The following GNB5 variants were observed in gnomAD, a reference collection of about 807,000 sequenced individuals.
GNB5 encodes G protein subunit beta 5.
In GNB5, 37 loss-of-function variants were observed where a neutral mutation model predicts 55.3. The observed-to-expected ratio is 0.67, with a 90% CI of 0.51 to 0.88. GNB5 has a LOEUF of 0.88. GNB5 is among the 40% of genes least tolerant of loss of function. The pLI is 0.00. For synonymous variants in GNB5, 219 were observed against 198.5 expected, an observed-to-expected ratio of 1.10 and a Z score of -0.87; for missense variants, 476 against 515.3, an observed-to-expected ratio of 0.92 and a Z score of 0.74.
intron 3 of GNB5, among the ~76,000 whole-genome samples, chr15:52,179,500 T>A (rs985047780): frequency 6.9e-6 from 1 of 144,952 alleles, no homozygotes; most frequent in African/African-American, 2.9e-5. Flanking sequence ...GTGATGAGGA[T>A]AGCTAGTCCC....
chr15:52,174,348 A>G (rs2034608156), intron 3 of GNB5, among the ~76,000 whole-genome samples: 1 of 152,220 alleles, frequency 6.6e-6, no homozygotes, highest in African/African-American at 2.4e-5. Flanking sequence ...CTGTAACCAT[A>G]TGATTCTAAA....
At chr15:52,179,439 C>A (rs903345261) in intron 3 of GNB5, among the ~76,000 whole-genome samples, 7 of 152,092 alleles carry the variant, frequency 4.6e-5, no homozygotes, top group African/African-American at 1.4e-4. Context: ...CCACCCCCTG[C>A]CCTCCGCATG....
At chr15:52,175,280 G>A (rs916302362) in intron 3 of GNB5, among the ~76,000 whole-genome samples, 6 of 152,256 alleles carry the variant, frequency 3.9e-5, no homozygotes, top group African/African-American at 1.4e-4. Context: ...GGTGTCAGCC[G>A]CATACCCTAA....
chr15:52,143,349 A>G (rs2033900135), intron 6 of GNB5, among the ~76,000 whole-genome samples: 1 of 152,178 alleles, frequency 6.6e-6, no homozygotes. Flanking sequence ...AGAAGCAGGA[A>G]GGTTTTGCAG....
chr15:52,179,869 T>G lies in GNB5; in HGVS notation c.137A>C (p.Glu46Ala). 1 of 1,543,316 alleles carries G rather than the reference T, an allele frequency of 6.5e-7. No homozygotes were observed. The highest frequency in any genetic ancestry group is 8.7e-7 in the Non-Finnish European group (1 of 1,145,952). The change falls in exon 3 of 13, where the codon GAG becomes GCG. Residue 46 changes from glutamate to alanine, a missense_variant. By Grantham distance (107) the Glu-to-Ala change is moderately radical. Coordinates refer to ENST00000261837, the MANE Select transcript of GNB5 (RefSeq NM_016194.4). ...CSTCAEIMAT[E>A]GLHENETLAS... ...CAGCGTCTCGTTCTCGTGCAGCCCC[T>G]CGGTTGCCATCTTCGCGCGGGGACG...
At chr15:52,147,186 AAG>A in intron 6 of GNB5, 1 of 226,422 alleles carries the variant, frequency 4.4e-6, no homozygotes. Flanking sequence ...TTTTTTTTTA[AAG>A]AGATGGGGTC....
At chr15:52,130,784 G>A (rs369129418) in intron 9 of GNB5, among the ~76,000 whole-genome samples, 11 of 152,196 alleles carry the variant, frequency 7.2e-5, no homozygotes, top group African/African-American at 2.7e-4. Flanking sequence ...TAGAAGCAAA[G>A]GGTTCAGGGG....
chr15:52,177,066 G>A (rs1407292421), intron 3 of GNB5, among the ~76,000 whole-genome samples: 1 of 120,070 alleles, frequency 8.3e-6, no homozygotes, highest in Non-Finnish European at 1.6e-5. Context: ...ACGGAGTCTC[G>A]CTCTGTCGCC....
chr15:52,142,738 T>C (rs1001112292), intron 6 of GNB5, among the ~76,000 whole-genome samples: 1 of 152,222 alleles, frequency 6.6e-6, no homozygotes, highest in African/African-American at 2.4e-5. Flanking sequence ...ATGGGGTCAC[T>C]TTTTTCTGAG....
At chr15:52,129,017 G>A (rs373827021) in intron 9 of GNB5, among the ~76,000 whole-genome samples, 4 of 149,760 alleles carry the variant, frequency 2.7e-5, no homozygotes, top group Admixed American at 1.3e-4. Flanking sequence ...GTGCAATGGC[G>A]TGAACTTGGC....
chr15:52,179,707 C>T (rs2034728551), intron 3 of GNB5, 61 bp downstream of exon 3: 1 of 1,138,416 alleles, frequency 8.8e-7, no homozygotes, highest in East Asian at 3.5e-5. Flanking sequence ...CCCCGCCGTC[C>T]CCGCCCGGGA....
chr15:52,157,138 A>C (rs1181942824), intron 3 of GNB5, among the ~76,000 whole-genome samples: 1 of 151,914 alleles, frequency 6.6e-6, no homozygotes, highest in Admixed American at 6.6e-5. Context: ...GGTTTCACCA[A>C]GTTAGACCAG....
At chr15:52,133,788 C>T (rs2033636037) in intron 8 of GNB5, among the ~76,000 whole-genome samples, 1 of 152,220 alleles carries the variant, frequency 6.6e-6, no homozygotes, top group Admixed American at 6.5e-5. Flanking sequence ...TTTCATTTTT[C>T]CTTCTTTTCT....
chr15:52,180,140 T>A, intron 2 of GNB5: 1 of 285,160 alleles, frequency 3.5e-6, no homozygotes, highest in Non-Finnish European at 6.3e-6. Context: ...TGACGCCCAT[T>A]TTACCAGCGG....
rs759511039 is a variant in GNB5, at chr15:52,179,803, A to C, written c.203T>G (p.Leu68Arg). Reference sequence around the variant, plus strand: ...GTGCAGCTTGGCTCGCTCCTCCTCCAGCTTGCCCTTGAGGCTCTCGGCCTC... The same window carrying C: ...GTGCAGCTTGGCTCGCTCCTCCTCCCGCTTGCCCTTGAGGCTCTCGGCCTC... ...KSEAESLKGK[L>R]EEERAKLHDV... is the part of the protein sequence containing the mutation. Residue 68 changes from leucine (L) to arginine (R), a missense_variant, in exon 3 of 13, where the codon CTG (leucine) becomes CGG (arginine). Leu to Arg is a moderately radical substitution (Grantham distance 102). Transcript: ENST00000261837. The C allele has an allele frequency of 6.5e-7, 1 of 1,541,486 alleles. No homozygotes were observed.
rs1020704799 is a variant in GNB5, at chr15:52,115,194, T to C, written c.*7563A>G. On this transcript the variant is annotated 3_prime_UTR_variant, in exon 13 of 13. Coordinates refer to ENST00000261837, the MANE Select transcript of GNB5 (RefSeq NM_016194.4). ...AGCAAGAACATTGTTTTCTCTTAGA[T>C]TTGCAGTAGCTTTGGGGTAAATGAT... 2 of 152,226 alleles carry C rather than the reference T, an allele frequency of 1.3e-5. No individual in the cohort carries two copies. The highest frequency in any genetic ancestry group is 3.8e-4 in the East Asian group (2 of 5,206). 9.4% of individuals were successfully genotyped at this position (152,226 alleles called of 1,614,324 possible). A position where few individuals can be genotyped will look rare whatever the true frequency, so the allele number is the denominator to read the frequency against.
In GNB5 at chr15:52,124,479, G is replaced by A. The variant is rs1019384653; in HGVS notation, c.1170C>T (p.Thr390=). 6.2e-7 allele frequency: 1 copy of A among 1,612,774 alleles called. No homozygotes were observed. The highest frequency in any genetic ancestry group is 8.5e-7 in the Non-Finnish European group (1 of 1,179,000). ...AGAAAACCATCCCTCTTACTCTGAG[G>A]GTATGATCCCATGATCCAGAGCAGA... ...TAFCSGSWDH[T]LRVWA Residue 390 remains threonine (T), a synonymous_variant, in exon 12 of 13, where the codon ACC becomes ACT. Coordinates refer to ENST00000261837, the MANE Select transcript of GNB5 (RefSeq NM_016194.4).
At position 52,187,812 on chromosome 15, in the gene GNB5, T is replaced by G. The variant is rs536036680; in HGVS notation, c.-18-3118A>C. On this transcript the variant is annotated intron_variant, in intron 1 of 12. Coordinates refer to ENST00000261837, the MANE Select transcript of GNB5 (RefSeq NM_016194.4). Reference sequence around the variant, plus strand: ...AAAAATACAAAAATTAGCCTGGCGTTGTGGTGCGCACCTGTAATCCCAGCT... The same window carrying G: ...AAAAATACAAAAATTAGCCTGGCGTGGTGGTGCGCACCTGTAATCCCAGCT... 1.2e-4 allele frequency among the ~76,000 whole-genome samples: 18 copies of G among 151,992 alleles called. No individual in the cohort carries two copies. The South Asian group carries it at 3.3e-3, about 28-fold the overall frequency.
At chr15:52,137,687 G>A in intron 7 of GNB5, 1 of 1,184,158 alleles carries the variant, frequency 8.4e-7, no homozygotes, top group Non-Finnish European at 1.1e-6. Flanking sequence ...CTGGGCTCTG[G>A]CTGAGCATAC....
Sources: allele counts gnomAD v4.1 joint callset (sites outside exome capture counted in the v4.1 genomes callset), GRCh38; gene constraint gnomAD v4.1.1; transcripts MANE v1.5; gene names NCBI Gene and HGNC (gene_info 2026-07-23, HGNC 2026-07-21).